The following SEZ6L variants were observed in gnomAD, a reference collection of about 807,000 sequenced individuals.
SEZ6L encodes seizure related 6 homolog like.
A neutral mutation model predicts 106.2 loss-of-function variants in SEZ6L; 37 were observed. The ratio of observed to expected loss-of-function variants is 0.35; its 90% CI spans 0.27 to 0.46. The LOEUF is 0.46. Among genes scored for constraint, SEZ6L ranks in the 20% least tolerant of loss-of-function variants. The pLI is 1.00. For missense variants in SEZ6L, 1,172 were observed against 1,332.8 expected (o/e 0.88, Z 1.88); for synonymous variants, 541 against 570.4 (o/e 0.95, Z 0.73).
Position 26,365,451 on chromosome 22 carries a change from A to G in SEZ6L, c.2679A>G (p.Pro893=). The G allele has an allele frequency of 6.2e-7, 1 of 1,614,192 alleles. No individual in the cohort carries two copies. The highest frequency in any genetic ancestry group is 8.5e-7 in the Non-Finnish European group (1 of 1,179,992). ...TCCTGTACAAGCGACTCTACCTGCC[A>G]GGAGAGTCCCTCACCTTCATGTGCT... The part of the protein sequence containing the change: ...YQILYKRLYL[P]GESLTFMCYE... The change falls in exon 13 of 17, where the codon CCA becomes CCG. Residue 893 remains proline, a synonymous_variant. Transcript: ENST00000248933.
chr22:26,351,810 G>C (rs950767735), intron 12 of SEZ6L, among the ~76,000 whole-genome samples: 3 of 152,048 alleles, frequency 2.0e-5, no homozygotes, highest in Non-Finnish European at 4.4e-5. Context: ...GCCTCCCAAA[G>C]TGCTGGGATT....
chr22:26,348,688 AAGAAAG>A (rs2083141510), intron 11 of SEZ6L, among the ~76,000 whole-genome samples: 1 of 78,350 alleles, frequency 1.3e-5, no homozygotes, highest in African/African-American at 5.3e-5. Flanking sequence ...GAAAGAAAGA[AAGAAAG>A]AAAGAAAGAA....
At chr22:26,367,221 C>A (rs1240408134) in intron 13 of SEZ6L, among the ~76,000 whole-genome samples, 1 of 152,084 alleles carries the variant, frequency 6.6e-6, no homozygotes, top group Non-Finnish European at 1.5e-5. Context: ...GGTGACCAAG[C>A]GTCCCGTAGA....
chr22:26,301,969 G>T (rs777198164), intron 5 of SEZ6L, among the ~76,000 whole-genome samples: 12 of 152,146 alleles, frequency 7.9e-5, no homozygotes, highest in Non-Finnish European at 1.6e-4. Context: ...AAGCATAAGG[G>T]TGATCATTCT....
chr22:26,187,047 C>T (rs1394290836), intron 1 of SEZ6L, among the ~76,000 whole-genome samples: 17 of 152,154 alleles, frequency 1.1e-4, no homozygotes, highest in Non-Finnish European at 2.9e-5. Flanking sequence ...CTAGCCTCTC[C>T]GCTAAGGTTA....
chr22:26,373,487 A>G lies in SEZ6L; in HGVS notation c.2827+4A>G. Reference sequence around the variant, plus strand: ...AGTTTTGAACATGCTTTAGAAGGTGAGTTCCAGAACGAAAAAAAAAAAAGT... The same window carrying G: ...AGTTTTGAACATGCTTTAGAAGGTGGGTTCCAGAACGAAAAAAAAAAAAGT... On this transcript the variant is annotated splice_donor_region_variant and intron_variant, in intron 14 of 16. Transcript: ENST00000248933. 1 of 1,576,174 alleles carries G rather than the reference A, an allele frequency of 6.3e-7. No homozygotes were observed. The highest frequency in any genetic ancestry group is 8.6e-7 in the Non-Finnish European group (1 of 1,164,312).
At chr22:26,258,018 C>T (rs545119314) in intron 1 of SEZ6L, among the ~76,000 whole-genome samples, 1 of 152,278 alleles carries the variant, frequency 6.6e-6, no homozygotes, top group East Asian at 1.9e-4. Flanking sequence ...GCTGCCCTTT[C>T]CCTCTATCAA....
chr22:26,341,405 C>T (rs908762013), intron 10 of SEZ6L, among the ~76,000 whole-genome samples: 5 of 152,160 alleles, frequency 3.3e-5, no homozygotes, highest in Admixed American at 1.3e-4. Flanking sequence ...ACTAGCTCTA[C>T]GACCCACCCC....
chr22:26,375,218 C>T (rs928850326), intron 14 of SEZ6L, among the ~76,000 whole-genome samples: 1 of 152,186 alleles, frequency 6.6e-6, no homozygotes, highest in South Asian at 2.1e-4. Context: ...GAATGTCCAG[C>T]AAATCTGCTT....
chr22:26,219,803 G>A (rs1264005250), intron 1 of SEZ6L, among the ~76,000 whole-genome samples: 1 of 152,146 alleles, frequency 6.6e-6, no homozygotes, highest in Admixed American at 6.6e-5. Flanking sequence ...TGTTGAGGGA[G>A]GTAGGGGAGG....
chr22:26,287,043 C>T (rs918673110), intron 1 of SEZ6L, among the ~76,000 whole-genome samples: 3 of 149,666 alleles, frequency 2.0e-5, no homozygotes, highest in Admixed American at 6.7e-5. Context: ...CCACCATGCC[C>T]GGTCGAGCTT....
chr22:26,326,546 C>T (rs184240129), intron 9 of SEZ6L, among the ~76,000 whole-genome samples: 15 of 152,252 alleles, frequency 9.9e-5, no homozygotes, highest in Middle Eastern at 3.4e-3. Context: ...GAGAGTCACA[C>T]GATTTGTTCT....
At chr22:26,277,182 T>C (rs1286363310) in intron 1 of SEZ6L, among the ~76,000 whole-genome samples, 2 of 150,290 alleles carry the variant, frequency 1.3e-5, no homozygotes, top group Non-Finnish European at 3.0e-5. Context: ...CACTGCAGCC[T>C]CTATCTCCTG....
chr22:26,269,841 G>A (rs17394336), intron 1 of SEZ6L, among the ~76,000 whole-genome samples: 12,009 of 152,176 alleles, frequency 0.079, 632 homozygotes, highest in Middle Eastern at 0.14. Flanking sequence ...GTATTATCTC[G>A]GCCACCAGTG....
chr22:26,362,726 C>T (rs1002967737), intron 12 of SEZ6L, among the ~76,000 whole-genome samples: 6 of 152,192 alleles, frequency 3.9e-5, no homozygotes, highest in Non-Finnish European at 8.8e-5. Context: ...GATGCAACTC[C>T]AGCTGCACAG....
chr22:26,190,392 A>T (rs1304190414), intron 1 of SEZ6L, among the ~76,000 whole-genome samples: 2 of 152,180 alleles, frequency 1.3e-5, no homozygotes, highest in East Asian at 3.9e-4. Flanking sequence ...GCACCTATAA[A>T]ACCCATCAAC....
chr22:26,213,211 A>G (rs1269933496), intron 1 of SEZ6L, among the ~76,000 whole-genome samples: 11 of 152,202 alleles, frequency 7.2e-5, no homozygotes, highest in Non-Finnish European at 1.6e-4. Flanking sequence ...TACCTGCTTC[A>G]TCATGGAAAC....
chr22:26,239,598 T>C (rs551415630), intron 1 of SEZ6L, among the ~76,000 whole-genome samples: 39 of 152,254 alleles, frequency 2.6e-4, no homozygotes, highest in Admixed American at 4.6e-4. Flanking sequence ...CTGGGAGGAC[T>C]GATTCAAGAT....
At chr22:26,181,824 A>G (rs1157301918) in intron 1 of SEZ6L, among the ~76,000 whole-genome samples, 2 of 152,200 alleles carry the variant, frequency 1.3e-5, no homozygotes, top group Non-Finnish European at 2.9e-5. Flanking sequence ...TAAGTATGCA[A>G]TGTATCTTGT....
Sources: gnomAD v4.1 joint callset for allele counts (sites outside exome capture counted in the v4.1 genomes callset) on GRCh38, gnomAD v4.1.1 for gene constraint, MANE v1.5 for transcripts, NCBI Gene and HGNC (gene_info 2026-07-23, HGNC 2026-07-21) for gene names.